Variants in RAP1GAP2 observed in about 807,000 individuals in gnomAD.
RAP1GAP2 encodes the protein RAP1 GTPase activating protein 2, also known as rap1 GTPase-activating protein 2.
In RAP1GAP2, 27 loss-of-function variants were observed where a neutral mutation model predicts 95.0. That is an observed-to-expected ratio of 0.28 (90% CI 0.21 to 0.39). The LOEUF (loss-of-function observed/expected upper bound fraction) is 0.39. Ranked by LOEUF, RAP1GAP2 falls within the 10% of genes least tolerant of loss-of-function variation. RAP1GAP2 has a pLI of 1.00. For synonymous variants in RAP1GAP2, 373 were observed against 380.9 expected (o/e 0.98, Z 0.24); for missense variants, 771 against 970.0 (o/e 0.79, Z 2.72).
In RAP1GAP2 at chr17:2,904,563, T is replaced by TGTGTGTGTGTGTGTGTGTGTGTGTGA. The variant is rs2042133258; in HGVS notation, c.81-715_81-714insGTGTGTGTGTGTGTGTGTGAGTGTGT. 6.6e-6 allele frequency among the ~76,000 whole-genome samples: 1 copy of TGTGTGTGTGTGTGTGTGTGTGTGTGA among 151,754 alleles called. No homozygotes were observed. The highest frequency in any genetic ancestry group is 1.5e-5 in the Non-Finnish European group (1 of 67,870). On this transcript the variant is annotated intron_variant, in intron 2 of 24. Coordinates refer to ENST00000254695, the MANE Select transcript of RAP1GAP2 (RefSeq NM_015085.5). The surrounding 1 kb of genome is among the most constrained non-coding windows in gnomAD (Gnocchi z 4.7). ...GTGTGTGTGTGTGTGTGTGTGTGTGTGTGTGTACGTGCAGAGGGGCTCAAG... is the reference window on the plus strand; with the variant it reads ...GTGTGTGTGTGTGTGTGTGTGTGTGTGTGTGTGTGTGTGTGTGTGTGTGTGAGTGTGTACGTGCAGAGGGGCTCAAG...
intron 2 of RAP1GAP2, among the ~76,000 whole-genome samples, chr17:2,879,343 T>C (rs963247023): frequency 6.7e-6 from 1 of 148,854 alleles, no homozygotes; most frequent in Non-Finnish European, 1.5e-5. Context: ...TTCGAACTAC[T>C]GACCTCAAGT....
At chr17:2,856,226 G>C (rs185381722) in intron 2 of RAP1GAP2, among the ~76,000 whole-genome samples, 1 of 152,172 alleles carries the variant, frequency 6.6e-6, no homozygotes, top group Admixed American at 6.5e-5. Context: ...AGGCAGATGC[G>C]TGGGACCAAT....
chr17:2,776,325 G>A (rs1011351523), upstream of RAP1GAP2, among the ~76,000 whole-genome samples: 1 of 152,228 alleles, frequency 6.6e-6, no homozygotes, highest in African/African-American at 2.4e-5. Context: ...TTCCTCAGTA[G>A]ATCAGGAGCC....
chr17:2,920,800 A>T (rs1416465664), intron 3 of RAP1GAP2, among the ~76,000 whole-genome samples: 1 of 152,172 alleles, frequency 6.6e-6, no homozygotes, highest in South Asian at 2.1e-4. Flanking sequence ...TGCTCTGCCA[A>T]CTGCCATAGA....
chr17:2,924,994 C>G (rs1424818365), intron 3 of RAP1GAP2, among the ~76,000 whole-genome samples: 1 of 152,208 alleles, frequency 6.6e-6, no homozygotes, highest in Non-Finnish European at 1.5e-5. Context: ...CAATGGTGCC[C>G]TGACCTCAGG....
intron 2 of RAP1GAP2, among the ~76,000 whole-genome samples, chr17:2,821,608 A>G (rs1277773442): frequency 6.6e-6 from 1 of 151,606 alleles, no homozygotes; most frequent in Non-Finnish European, 1.5e-5. Context: ...TCCTGGTCTC[A>G]AGCAATCCAT....
At position 3,031,679 on chromosome 17, in the gene RAP1GAP2, C is replaced by T. The variant is rs547324760; in HGVS notation, c.2184+681C>T. 1.7e-4 allele frequency among the ~76,000 whole-genome samples: 25 copies of T among 147,626 alleles called. 1 individual carries two copies. Among genetic ancestry groups the T allele is most frequent in the Admixed American group, 6.7e-4 (10 of 15,004 alleles). On this transcript the variant is annotated intron_variant, in intron 23 of 24. Transcript: ENST00000254695. The stretch of plus-strand genomic sequence containing the variant: ...GGGTCCCCCAGTCCCTTTCTGAGCT[C>T]GCCAGACTATCGAGAACTCCAGGTC...
intron 2 of RAP1GAP2, among the ~76,000 whole-genome samples, chr17:2,885,543 C>T (rs2073464595): frequency 6.6e-6 from 1 of 152,224 alleles, no homozygotes; most frequent in Admixed American, 6.5e-5. Flanking sequence ...CCCACCAAGT[C>T]TCGCAGCTGC....
chr17:2,895,390 C>A (rs2041784590), intron 2 of RAP1GAP2, among the ~76,000 whole-genome samples: 1 of 152,212 alleles, frequency 6.6e-6, no homozygotes, highest in Non-Finnish European at 1.5e-5. Context: ...TGCGCCCAAG[C>A]CTCACTCTGC....
At chr17:2,837,335 T>C (rs1457094861) in intron 2 of RAP1GAP2, among the ~76,000 whole-genome samples, 1 of 148,476 alleles carries the variant, frequency 6.7e-6, no homozygotes, top group African/African-American at 2.5e-5. Flanking sequence ...TCAGGCTGGG[T>C]AGGTTGAGAA....
intron 1 of RAP1GAP2, among the ~76,000 whole-genome samples, chr17:2,781,784 TTC>T (rs1206914171): frequency 8.4e-6 from 1 of 119,542 alleles, no homozygotes; most frequent in East Asian, 2.7e-4. Flanking sequence ...GTGTGCACGT[TTC>T]TGTGTGTGCA....
At chr17:2,841,860 G>A (rs939828342) in intron 2 of RAP1GAP2, among the ~76,000 whole-genome samples, 2 of 152,154 alleles carry the variant, frequency 1.3e-5, no homozygotes, top group African/African-American at 2.4e-5. Context: ...CTGGGGTCAC[G>A]GCTTTTCCTC....
rs116929844 is a variant in RAP1GAP2 at position 2,951,742 on chromosome 17, G to A, written c.166-6017G>A. The stretch of plus-strand genomic sequence containing the variant: ...CAAAAACAAACGAAAATAAAAAGAC[G>A]TGAAACCTAGGCTGGGCGCAGTGGC... On this transcript the variant is annotated intron_variant, in intron 3 of 24. Transcript: ENST00000254695. Among the ~76,000 whole-genome samples, 147 of 149,922 alleles carry A rather than the reference G, an allele frequency of 9.8e-4. 3 individuals carry two copies. In the South Asian group the frequency reaches 0.017, roughly 17 times the overall value.
chr17:2,836,406 C>T lies in RAP1GAP2; in HGVS notation c.80+35856C>T, dbSNP rs550586735. Among the ~76,000 whole-genome samples the T allele has an allele frequency of 5.9e-5, 9 of 152,164 alleles. No homozygotes were observed. In the East Asian group the frequency reaches 1.4e-3, roughly 23 times the overall value. ...CAGGACTTGGGGAGGCCAAGGCAGG[C>T]GGATCACCTGAGGTCAGGAGTTCAA... On this transcript the variant is annotated intron_variant, in intron 2 of 24. Coordinates refer to ENST00000254695, the MANE Select transcript of RAP1GAP2 (RefSeq NM_015085.5).
At chr17:2,985,511 C>G (rs553839298) in intron 11 of RAP1GAP2, among the ~76,000 whole-genome samples, 2 of 152,308 alleles carry the variant, frequency 1.3e-5, no homozygotes, top group Admixed American at 1.3e-4. Flanking sequence ...TGTTCCGTGA[C>G]ATCATGTTGG....
At chr17:2,877,138 C>G (rs993809046) in intron 2 of RAP1GAP2, among the ~76,000 whole-genome samples, 23 of 152,204 alleles carry the variant, frequency 1.5e-4, no homozygotes, top group Non-Finnish European at 1.6e-4. Context: ...ATGCACCCGC[C>G]TCAGCCTCCC....
intron 1 of RAP1GAP2, among the ~76,000 whole-genome samples, chr17:2,764,593 C>T (rs1032385011): frequency 6.6e-6 from 1 of 151,586 alleles, no homozygotes; most frequent in African/African-American, 2.4e-5. Context: ...TGGTGGCAGG[C>T]ACCTATAATC....
At chr17:2,947,634 G>A (rs772629280) in intron 3 of RAP1GAP2, among the ~76,000 whole-genome samples, 9 of 152,146 alleles carry the variant, frequency 5.9e-5, no homozygotes, top group Non-Finnish European at 1.2e-4. Flanking sequence ...CTGCCCTCGA[G>A]GACCTTCTGT....
At chr17:2,917,243 G>A (rs971003651) in intron 3 of RAP1GAP2, among the ~76,000 whole-genome samples, 2 of 152,212 alleles carry the variant, frequency 1.3e-5, no homozygotes, top group African/African-American at 4.8e-5. Flanking sequence ...AGTCTGCCTG[G>A]GGTTAAGGCT....
Sources: gnomAD v4.1 joint callset for allele counts (sites outside exome capture counted in the v4.1 genomes callset) on GRCh38, gnomAD v4.1.1 for gene constraint, Gnocchi (gnomAD v3.1) non-coding constraint, MANE v1.5 for transcripts, NCBI Gene and HGNC (gene_info 2026-07-23, HGNC 2026-07-21) for gene names.